The following ARSB variants were observed in gnomAD, a reference collection of about 807,000 sequenced individuals.
The protein encoded by ARSB is N-acetylgalactosamine-4-sulfatase.
ARSB carries 41 observed loss-of-function variants against 50.9 expected under a neutral mutation model. That is an observed-to-expected ratio of 0.81 (90% CI 0.63 to 1.04). ARSB has a LOEUF of 1.04. Among genes scored for constraint, ARSB ranks in the 50% least tolerant of loss-of-function variants. The pLI, the probability that ARSB is intolerant of heterozygous loss-of-function variation, is 0.00. For synonymous variants in ARSB, 269 were observed against 284.8 expected, an observed-to-expected ratio of 0.94 and a Z score of 0.56; for missense variants, 672 against 693.3, an observed-to-expected ratio of 0.97 and a Z score of 0.35.
intron 4 of ARSB, among the ~76,000 whole-genome samples, chr5:78,897,716 T>C (rs1410084845): frequency 6.6e-6 from 1 of 152,134 alleles, no homozygotes; most frequent in Admixed American, 6.5e-5. Flanking sequence ...TCAGATATAA[T>C]ATTTGTATTT....
At chr5:78,926,500 T>A (rs925342987) in intron 4 of ARSB, among the ~76,000 whole-genome samples, 24 of 152,162 alleles carry the variant, frequency 1.6e-4, no homozygotes, top group Non-Finnish European at 1.5e-5. Flanking sequence ...ATGAATTGCA[T>A]CTTTCAATGG....
intron 4 of ARSB, among the ~76,000 whole-genome samples, chr5:78,905,910 C>CAAAAAA (rs57651882): frequency 4.2e-5 from 4 of 94,410 alleles, no homozygotes; most frequent in African/African-American, 1.3e-4. Context: ...AGCAAAGTAG[C>CAAAAAA]AAAAAAAAAA....
intron 4 of ARSB, among the ~76,000 whole-genome samples, chr5:78,931,919 C>G (rs1750343731): frequency 6.6e-6 from 1 of 151,974 alleles, no homozygotes; most frequent in Admixed American, 6.6e-5. Flanking sequence ...CCTTCACTTT[C>G]TCTCTCTCTC....
intron 7 of ARSB, among the ~76,000 whole-genome samples, chr5:78,781,387 CTCAT>C (rs1477842620): frequency 7.5e-6 from 1 of 134,220 alleles, no homozygotes; most frequent in Non-Finnish European, 1.5e-5. Context: ...TTCCTATCTC[CTCAT>C]TCAGCAGCCC....
intron 4 of ARSB, among the ~76,000 whole-genome samples, chr5:78,937,310 C>CATATATACGTAAG (rs1554084167): frequency 0.088 from 9,376 of 106,698 alleles, 1,320 homozygotes; most frequent in Middle Eastern, 0.12. Context: ...ATATATATAT[C>CATATATACGTAAG]ATATATATGT....
At chr5:78,957,482 T>C (rs1174722593) in intron 3 of ARSB, among the ~76,000 whole-genome samples, 1 of 152,216 alleles carries the variant, frequency 6.6e-6, no homozygotes, top group African/African-American at 2.4e-5. Context: ...AGCTGCTAAA[T>C]GTCAAAGTCG....
intron 4 of ARSB, among the ~76,000 whole-genome samples, chr5:78,940,108 C>T (rs1195134833): frequency 7.9e-5 from 12 of 152,192 alleles, no homozygotes; most frequent in South Asian, 4.2e-4. Context: ...TCATATCCTT[C>T]GCCCACTTTT....
intron 6 of ARSB, among the ~76,000 whole-genome samples, chr5:78,832,602 T>G (rs1280792785): frequency 6.6e-6 from 1 of 152,112 alleles, no homozygotes; most frequent in Non-Finnish European, 1.5e-5. Context: ...CCTGGACGAC[T>G]CTTGGATCTC....
At chr5:78,879,608 A>G (rs971043082) in intron 5 of ARSB, among the ~76,000 whole-genome samples, 94 of 152,322 alleles carry the variant, frequency 6.2e-4, no homozygotes, top group African/African-American at 2.2e-3. Flanking sequence ...CATCATCTCG[A>G]AAGTGGTATT....
intron 6 of ARSB, among the ~76,000 whole-genome samples, chr5:78,803,620 G>A (rs2112648785): frequency 6.6e-6 from 1 of 152,326 alleles, no homozygotes; most frequent in Admixed American, 6.5e-5. Context: ...AGTTCCCACA[G>A]AAACAGTGCT....
intron 3 of ARSB, among the ~76,000 whole-genome samples, chr5:78,958,829 A>C (rs1488215552): frequency 1.4e-5 from 2 of 138,260 alleles, no homozygotes; most frequent in Non-Finnish European, 3.0e-5. Context: ...AACTCAGACC[A>C]GATGACCCAA....
chr5:78,932,113 G>A (rs1561509332), intron 4 of ARSB, among the ~76,000 whole-genome samples: 1 of 152,162 alleles, frequency 6.6e-6, no homozygotes, highest in Admixed American at 6.5e-5. Context: ...TCCAAAAGAT[G>A]GCTGCATATG....
At chr5:78,859,120 T>A (rs1458486796) in intron 5 of ARSB, among the ~76,000 whole-genome samples, 1 of 152,148 alleles carries the variant, frequency 6.6e-6, no homozygotes, top group Admixed American at 6.6e-5. Flanking sequence ...GGGGGGCAGG[T>A]GATATTTGGT....
intron 4 of ARSB, among the ~76,000 whole-genome samples, chr5:78,931,682 A>ATT (rs1750333434): frequency 6.6e-6 from 1 of 151,014 alleles, no homozygotes; most frequent in African/African-American, 2.4e-5. Flanking sequence ...TGAAAACATG[A>ATT]CTCTACAAAA....
rs574001588 is a variant in ARSB at position 78,877,382 on chromosome 5, T to TTTTA, written c.1142+8198_1142+8201dup. ...CTCAGAACAAAGCCAGAAGCTTTATTTTTATTTATTTATTTATTTATTTTG... is the reference window on the plus strand; with the variant it reads ...CTCAGAACAAAGCCAGAAGCTTTATTTTTATTTATTTATTTATTTATTTATTTTG... On this transcript the variant is annotated intron_variant, in intron 5 of 7. Transcript: ENST00000264914. Among the ~76,000 whole-genome samples, 216 of 152,172 alleles carry TTTTA rather than the reference T, an allele frequency of 1.4e-3. 1 individual carries two copies. Among genetic ancestry groups the TTTTA allele is most frequent in the Admixed American group, 4.1e-3 (62 of 15,294 alleles).
chr5:78,861,461 T>C (rs1425844199), intron 5 of ARSB, among the ~76,000 whole-genome samples: 1 of 151,884 alleles, frequency 6.6e-6, no homozygotes, highest in Non-Finnish European at 1.5e-5. Context: ...GTTCAACATA[T>C]GCAAATCAAT....
At chr5:78,893,043 G>A (rs1247013618) in intron 4 of ARSB, among the ~76,000 whole-genome samples, 1 of 152,102 alleles carries the variant, frequency 6.6e-6, no homozygotes, top group African/African-American at 2.4e-5. Flanking sequence ...AGACCCAGTG[G>A]GAGATAATTG....
intron 6 of ARSB, among the ~76,000 whole-genome samples, chr5:78,834,573 T>G (rs1744847896): frequency 7.0e-6 from 1 of 142,790 alleles, no homozygotes. Flanking sequence ...CTTTCACTGT[T>G]AGTGCTGGAT....
chr5:78,866,616 C>T (rs1045436458), intron 5 of ARSB, among the ~76,000 whole-genome samples: 7 of 152,180 alleles, frequency 4.6e-5, no homozygotes, highest in African/African-American at 1.7e-4. Context: ...AAGGAAGTAG[C>T]TTGGATAAGG....
Sources: gnomAD v4.1 joint callset for allele counts (sites outside exome capture counted in the v4.1 genomes callset) on GRCh38, gnomAD v4.1.1 for gene constraint, MANE v1.5 for transcripts, NCBI Gene and HGNC (gene_info 2026-07-23, HGNC 2026-07-21) for gene names.